Variants in FAM111B observed in about 807,000 individuals in gnomAD.
The protein encoded by FAM111B is FAM111 trypsin like peptidase B, also known as serine protease FAM111B.
FAM111B carries 1 observed loss-of-function variant against 2.8 expected under a neutral mutation model. The observed-to-expected ratio is 0.36, with a 90% CI of 0.13 to 1.70. FAM111B has a LOEUF of 1.70. FAM111B is among the 40% of genes most tolerant of loss of function. FAM111B has a pLI of 0.35. For synonymous variants in FAM111B, 297 were observed against 295.6 expected (o/e 1.00, Z -0.05); for missense variants, 882 against 878.9 (o/e 1.00, Z -0.04).
At chr11:59,118,695 C>T (rs1289431440) in intron 3 of FAM111B, among the ~76,000 whole-genome samples, 8 of 152,144 alleles carry the variant, frequency 5.3e-5, no homozygotes, top group East Asian at 3.9e-4. Context: ...GTAAGTTTTT[C>T]ATAACTGTTC....
chr11:59,124,423 C>A lies in FAM111B; in HGVS notation c.326C>A (p.Ser109Ter). The A allele has an allele frequency of 6.2e-7, 1 of 1,613,622 alleles. No homozygotes were observed. The highest frequency in any genetic ancestry group is 1.1e-5 in the South Asian group (1 of 91,052). ...GGTAAACCCAGCGAGAGTATCTACT[C>A]AGCCCTGAGTGCTAATGACTATTTC... ...AYGKPSESIY[S>*]ALSANDYFSE... The change falls in exon 4 of 4, where the codon TCA becomes TAA. Residue 109 changes from serine to a stop codon, truncating the protein, a stop_gained. Transcript: ENST00000343597. LOFTEE classifies it low-confidence loss of function (END_TRUNC).
intron 3 of FAM111B, among the ~76,000 whole-genome samples, chr11:59,116,624 G>T (rs991131697): frequency 1.3e-5 from 2 of 152,192 alleles, no homozygotes; most frequent in Admixed American, 6.5e-5. Flanking sequence ...TCAAGGAAAG[G>T]CCTCAGAGTA....
At chr11:59,108,573 A>T (rs1348757933) in intron 1 of FAM111B, 95 bp from the exon 2 acceptor site, 1 of 155,402 alleles carries the variant, frequency 6.4e-6, no homozygotes, top group African/African-American at 2.4e-5. Context: ...ATACATTTCA[A>T]TTGTCACTGT....
rs533652965 is a variant in FAM111B at position 59,112,408 on chromosome 11, CT to C, written c.81+2704del. On this transcript the variant is annotated intron_variant, in intron 3 of 3. Coordinates refer to ENST00000343597, the MANE Select transcript of FAM111B (RefSeq NM_198947.4). ...CAAAATCTGTTTATCCATTCACTCC[CT>C]TAAGAACATTTGAATTGTTTCCAGT... Among the ~76,000 whole-genome samples, 324 of 152,238 alleles carry C rather than the reference CT, an allele frequency of 2.1e-3. 1 individual carries two copies. Among genetic ancestry groups the C allele is most frequent in the African/African-American group, 7.5e-3 (310 of 41,546 alleles).
chr11:59,108,131 G>T (rs1817783536), intron 1 of FAM111B, among the ~76,000 whole-genome samples: 1 of 152,150 alleles, frequency 6.6e-6, no homozygotes, highest in Non-Finnish European at 1.5e-5. Context: ...AGTCTGTGAG[G>T]GTGGGATCTG....
intron 3 of FAM111B, among the ~76,000 whole-genome samples, chr11:59,114,552 A>T (rs1255968947): frequency 6.6e-6 from 1 of 152,034 alleles, no homozygotes; most frequent in Admixed American, 6.5e-5. Flanking sequence ...GTAGGTTTTG[A>T]CCCTAAAACC....
Position 59,127,053 on chromosome 11 carries a change from G to A in FAM111B, c.*751G>A, listed in dbSNP as rs1189848892. The A allele has an allele frequency of 6.6e-6, 1 of 152,152 alleles. No individual in the cohort carries two copies. The highest frequency in any genetic ancestry group is 1.5e-5 in the Non-Finnish European group (1 of 68,006). 9.4% of individuals were successfully genotyped at this position (152,152 alleles called of 1,614,324 possible). On this transcript the variant is annotated 3_prime_UTR_variant, in exon 4 of 4. Transcript: ENST00000343597. ...CATATACACCATAGCATACTACACA[G>A]CCATAAAAAAGTACAAGATCATGTG... is the stretch of plus-strand genomic sequence containing the variant.
chr11:59,125,518 A>G lies in FAM111B; in HGVS notation c.1421A>G (p.Asn474Ser), dbSNP rs770494090. The G allele has an allele frequency of 2.5e-6, 4 of 1,613,856 alleles. No homozygotes were observed. The highest frequency in any genetic ancestry group is 2.5e-6 in the Non-Finnish European group (3 of 1,179,846). ...MQWDNNGNTG[N>S]ATCFVFNGGY... ...TGGGACAATAATGGAAACACAGGTA[A>G]TGCTACTTGCTTTGTCTTCAATGGT... Residue 474 changes from asparagine to serine, a missense_variant, in exon 4 of 4, where the codon AAT (asparagine) becomes AGT (serine). Asn to Ser is a conservative substitution (Grantham distance 46). Transcript: ENST00000343597.
chr11:59,123,056 A>G (rs1859948308), intron 3 of FAM111B, among the ~76,000 whole-genome samples: 1 of 152,160 alleles, frequency 6.6e-6, no homozygotes, highest in South Asian at 2.1e-4. Context: ...AATATCTTGT[A>G]TCCTGGGCTA....
chr11:59,124,071 T>C (rs1859965524), intron 3 of FAM111B, 108 bp from the exon 4 acceptor site: 1 of 661,390 alleles, frequency 1.5e-6, no homozygotes, highest in Non-Finnish European at 2.4e-6. Flanking sequence ...CGTTAACCAT[T>C]ATATTATCTA....
At chr11:59,118,500 G>A (rs1278062945) in intron 3 of FAM111B, among the ~76,000 whole-genome samples, 1 of 152,242 alleles carries the variant, frequency 6.6e-6, no homozygotes, top group African/African-American at 2.4e-5. Context: ...CCTGTCATCT[G>A]TGAATTAAGA....
chr11:59,124,463 G>C lies in FAM111B; in HGVS notation c.366G>C (p.Lys122Asn). ...ATGACTATTTCAGTGAAAGGATAAA[G>C]AATCAGTTTAATAAGAACATTATTG... is the stretch of plus-strand genomic sequence containing the variant. Reference protein sequence around the residue: ...SANDYFSERIKNQFNKNIIVY... With the variant: ...SANDYFSERINNQFNKNIIVY... Residue 122 changes from lysine to asparagine, a missense_variant, in exon 4 of 4, where the codon AAG (lysine) becomes AAC (asparagine). Lys to Asn is a moderately conservative substitution (Grantham distance 94, BLOSUM62 0). Coordinates refer to ENST00000343597, the MANE Select transcript of FAM111B (RefSeq NM_198947.4). The C allele has an allele frequency of 6.2e-7, 1 of 1,613,574 alleles. No individual in the cohort carries two copies. Among genetic ancestry groups the C allele is most frequent in the Non-Finnish European group, 8.5e-7 (1 of 1,179,796 alleles).
intron 1 of FAM111B, among the ~76,000 whole-genome samples, chr11:59,108,445 C>T (rs947393588): frequency 6.6e-5 from 10 of 152,178 alleles, no homozygotes; most frequent in African/African-American, 2.2e-4. Context: ...CTCTTGTCAC[C>T]TTAGTCTCTC....
At position 59,126,095 on chromosome 11, in the gene FAM111B, C is replaced by T. The variant is rs751874884; in HGVS notation, c.1998C>T (p.Thr666=). ...NASGKLVALH[T]FGLFYQRGFN... ...CTGGCAAATTGGTTGCTTTGCATACCTTTGGGCTTTTTTATCAACGAGGAT... is the reference window on the plus strand; with the variant it reads ...CTGGCAAATTGGTTGCTTTGCATACTTTTGGGCTTTTTTATCAACGAGGAT... The change falls in exon 4 of 4, where the codon ACC becomes ACT. Residue 666 remains threonine, a synonymous_variant. Coordinates refer to ENST00000343597, the MANE Select transcript of FAM111B (RefSeq NM_198947.4). The T allele has an allele frequency of 6.0e-5, 96 of 1,613,430 alleles. No individual in the cohort carries two copies. The Admixed American group carries it at 1.6e-3, about 26-fold the overall frequency.
At chr11:59,122,753 G>T (rs1859943502) in intron 3 of FAM111B, among the ~76,000 whole-genome samples, 1 of 152,156 alleles carries the variant, frequency 6.6e-6, no homozygotes, top group South Asian at 2.1e-4. Flanking sequence ...GGTCAGTGCT[G>T]CAGAGATAGA....
Position 59,109,918 on chromosome 11 carries a change from G to A in FAM111B, c.81+212G>A, listed in dbSNP as rs1377682391. On this transcript the variant is annotated intron_variant, in intron 3 of 3. Transcript: ENST00000343597. ...TAAACGTATGTTAAGACAACAAGATGACTAACAAACAATATAGACACTTAA... is the reference window on the plus strand; with the variant it reads ...TAAACGTATGTTAAGACAACAAGATAACTAACAAACAATATAGACACTTAA... The A allele has an allele frequency of 6.6e-5, 23 of 348,794 alleles. No individual in the cohort carries two copies. In the Admixed American group the frequency reaches 1.0e-3, roughly 16 times the overall value. The allele number at this position is 348,794 out of a possible 1,614,324, so 21.6% of individuals were successfully genotyped here. A position where few individuals can be genotyped will look rare whatever the true frequency, so the allele number is the denominator to read the frequency against.
intron 3 of FAM111B, among the ~76,000 whole-genome samples, chr11:59,121,067 T>C (rs1859913711): frequency 7.0e-6 from 1 of 143,468 alleles, no homozygotes; most frequent in African/African-American, 2.8e-5. Context: ...TTACAATTTT[T>C]TGAAAAAAAA....
In FAM111B at chr11:59,126,187, C is replaced by CA. The variant is rs760022290; in HGVS notation, c.2093dup (p.Asn698LysfsTer2). ...TCTATTCTTTGTGATATTAAAAAGACAAATGAGAGCTTGTATAAATCATTA... is the reference window on the plus strand; with the variant it reads ...TCTATTCTTTGTGATATTAAAAAGACAAAATGAGAGCTTGTATAAATCATTA... On this transcript the variant is annotated frameshift_variant, in exon 4 of 4. Coordinates refer to ENST00000343597, the MANE Select transcript of FAM111B (RefSeq NM_198947.4). LOFTEE classifies it low-confidence loss of function (END_TRUNC). The CA allele has an allele frequency of 6.2e-7, 1 of 1,611,138 alleles. No homozygotes were observed. The highest frequency in any genetic ancestry group is 1.1e-5 in the South Asian group (1 of 90,218).
chr11:59,114,070 T>C (rs1859804066), intron 3 of FAM111B, among the ~76,000 whole-genome samples: 2 of 152,198 alleles, frequency 1.3e-5, no homozygotes, highest in South Asian at 4.1e-4. Context: ...TAACAGAAAG[T>C]GGCAAGTGTG....
Sources: gnomAD v4.1 joint callset for allele counts (sites outside exome capture counted in the v4.1 genomes callset) on GRCh38, gnomAD v4.1.1 for gene constraint, MANE v1.5 for transcripts, NCBI Gene and HGNC (gene_info 2026-07-23, HGNC 2026-07-21) for gene names.